DISP2: variants seen among roughly 807,000 people sequenced by gnomAD.
DISP2 encodes the protein protein dispatched homolog 2.
DISP2 carries 59 observed loss-of-function variants against 95.5 expected under a neutral mutation model. The ratio of observed to expected loss-of-function variants is 0.62; its 90% CI spans 0.50 to 0.77. The LOEUF is 0.77. Among genes scored for constraint, DISP2 ranks in the 30% least tolerant of loss-of-function variants. DISP2 has a pLI of 0.00. For missense variants in DISP2, 1,752 were observed against 1,854.6 expected (o/e 0.94, Z 1.02); for synonymous variants, 827 against 815.0 (o/e 1.01, Z -0.25).
At chr15:40,364,041 C>T (rs996577773) in intron 2 of DISP2, 87 bp downstream of exon 2, 2 of 1,487,604 alleles carry the variant, frequency 1.3e-6, no homozygotes, top group African/African-American at 1.4e-5. Context: ...GCTCTAGACT[C>T]CTTTCTTAGG....
chr15:40,370,035 G>C lies in DISP2; in HGVS notation c.3923G>C (p.Arg1308Pro), dbSNP rs143167738. 2 of 1,613,990 alleles carry C rather than the reference G, an allele frequency of 1.2e-6. No individual in the cohort carries two copies. The highest frequency in any genetic ancestry group is 2.7e-5 in the African/African-American group (2 of 74,952). Residue 1308 changes from arginine to proline, a missense_variant, in exon 8 of 8, where the codon CGT (arginine) becomes CCT (proline). Transcript: ENST00000267889. ...CTAAGCACCTCTGAGCCCAGTGCCC[G>C]TGTACCAGATTCCGTGGGTGTGTCC... ...TCLSTSEPSA[R>P]VPDSVGVSPD...
At chr15:40,364,346 C>G (rs1399116690) in intron 3 of DISP2, 75 bp from the exon 4 acceptor site, 16 of 1,613,340 alleles carry the variant, frequency 9.9e-6, no homozygotes, top group Non-Finnish European at 1.1e-5. Context: ...ATCTAGCACC[C>G]CTTCTGGGTG....
In DISP2 at chr15:40,368,389, C is replaced by A; in HGVS notation, c.2277C>A (p.Phe759Leu). Residue 759 changes from phenylalanine to leucine, a missense_variant, in exon 8 of 8, where the codon TTC becomes TTA. By Grantham distance (22) the Phe-to-Leu change is conservative. Transcript: ENST00000267889. ...CGGAGTATCGCCAGCTGTTCCTGTT[C>A]GAGCAGCTGCCGCAGGGCGAGGGCG... ...FDAEYRQLFLFEQLPQGEGGH... is the reference protein window; with the variant it reads ...FDAEYRQLFLLEQLPQGEGGH... 6.2e-7 allele frequency: 1 copy of A among 1,607,708 alleles called. No homozygotes were observed. The highest frequency in any genetic ancestry group is 8.5e-7 in the Non-Finnish European group (1 of 1,179,746).
In DISP2 at chr15:40,358,455, T is replaced by G. The variant is rs764662894; in HGVS notation, c.119+15T>G. On this transcript the variant is annotated intron_variant, in intron 1 of 7. Transcript: ENST00000267889. ...TCCCCGGACAGGTAGGGCGGACAGCTCCGCAGATCCGTATCACAGACCCTC... is the reference window on the plus strand; with the variant it reads ...TCCCCGGACAGGTAGGGCGGACAGCGCCGCAGATCCGTATCACAGACCCTC... The G allele has an allele frequency of 7.8e-7, 1 of 1,287,304 alleles. No homozygotes were observed. Among genetic ancestry groups the G allele is most frequent in the Non-Finnish European group, 9.8e-7 (1 of 1,015,596 alleles). The allele number at this position is 1,287,304 out of a possible 1,614,324, so 79.7% of individuals were successfully genotyped here.
intron 1 of DISP2, among the ~76,000 whole-genome samples, chr15:40,360,196 G>A (rs1387859176): frequency 6.6e-6 from 1 of 152,198 alleles, no homozygotes; most frequent in Non-Finnish European, 1.5e-5. Flanking sequence ...AGGCCTGCAG[G>A]CCCGGGCAGG....
chr15:40,361,270 G>A (rs1321344580), intron 1 of DISP2, among the ~76,000 whole-genome samples: 3 of 152,230 alleles, frequency 2.0e-5, no homozygotes, highest in Non-Finnish European at 4.4e-5. Flanking sequence ...AGATTCTCAA[G>A]GTGTGAGAAG....
rs1269337028 is a variant in DISP2, at chr15:40,375,775, G to C, written c.*5457G>C. On this transcript the variant is annotated 3_prime_UTR_variant, in exon 8 of 8. Transcript: ENST00000267889. ...CAAGGACATGAAGACTTTCTAGAAG[G>C]TAGGTGGACACAGATAGTTTTAAAG... The C allele has an allele frequency of 6.6e-6, 1 of 152,212 alleles. No individual in the cohort carries two copies. The highest frequency in any genetic ancestry group is 1.9e-4 in the East Asian group (1 of 5,198). The allele number at this position is 152,212 out of a possible 1,614,324, so 9.4% of individuals were successfully genotyped here.
In DISP2 at chr15:40,376,402, C is replaced by T. The variant is rs1053263843; in HGVS notation, c.*6084C>T. On this transcript the variant is annotated 3_prime_UTR_variant, in exon 8 of 8. Transcript: ENST00000267889. ...TGGGAGGCCGAGGCAGGTAGATCAT[C>T]TGAGGTCAGGAGTTCAACACCAGCC... is the stretch of plus-strand genomic sequence containing the variant. 3.3e-5 allele frequency: 5 copies of T among 152,030 alleles called. No individual in the cohort carries two copies. The highest frequency in any genetic ancestry group is 1.2e-4 in the African/African-American group (5 of 41,376). The allele number at this position is 152,030 out of a possible 1,614,324, so 9.4% of individuals were successfully genotyped here.
rs544332763 is a variant in DISP2, at chr15:40,375,385, T to C, written c.*5067T>C. On this transcript the variant is annotated 3_prime_UTR_variant, in exon 8 of 8. Coordinates refer to ENST00000267889, the MANE Select transcript of DISP2 (RefSeq NM_033510.3). ...ACACAGCTGAGCAGATTGATGTAGA[T>C]TTGAATTCATGACCACCTATCTTAA... is the stretch of plus-strand genomic sequence containing the variant. 1.4e-3 allele frequency: 219 copies of C among 152,356 alleles called. 1 individual carries two copies. The highest frequency in any genetic ancestry group is 5.1e-3 in the African/African-American group (213 of 41,578). The allele number at this position is 152,356 out of a possible 1,614,324, so 9.4% of individuals were successfully genotyped here.
rs61734053 is a variant in DISP2 at position 40,368,812 on chromosome 15, G to T, written c.2700G>T (p.Leu900=). ...LGLRFDAHGS[L]AALVLQFQTN... The stretch of plus-strand genomic sequence containing the variant: ...TCCGCTTTGATGCCCATGGCAGCCT[G>T]GCCGCCCTGGTCCTACAATTCCAGA... The change falls in exon 8 of 8, where the codon CTG becomes CTT. Residue 900 remains leucine, a synonymous_variant. Coordinates refer to ENST00000267889, the MANE Select transcript of DISP2 (RefSeq NM_033510.3). The T allele has an allele frequency of 0.046, 73,519 of 1,613,912 alleles. 1,921 individuals carry two copies. Among genetic ancestry groups the T allele is most frequent in the South Asian group, 0.062 (5,687 of 91,090 alleles).
At chr15:40,365,315 C>T (rs745676623) in intron 6 of DISP2, 41 bp downstream of exon 6, 2 of 1,604,622 alleles carry the variant, frequency 1.2e-6, no homozygotes, top group African/African-American at 2.7e-5. Flanking sequence ...TAATAGTGGT[C>T]CCCACCCCAC....
Position 40,369,874 on chromosome 15 carries a change from G to T in DISP2, c.3762G>T (p.Gly1254=). The T allele has an allele frequency of 6.4e-7, 1 of 1,566,740 alleles. No homozygotes were observed. ...PKTRARQDSQ[G]EEAEPLPASP... is the part of the protein sequence containing the mutation. ...CCCGGGCCAGGCAGGACTCCCAAGGGGAGGAGGCTGAGCCCCTGCCAGCCT... is the reference window on the plus strand; with the variant it reads ...CCCGGGCCAGGCAGGACTCCCAAGGTGAGGAGGCTGAGCCCCTGCCAGCCT... Residue 1254 remains glycine, a synonymous_variant, in exon 8 of 8, where the codon GGG becomes GGT. Transcript: ENST00000267889.
chr15:40,364,352 G>A, intron 3 of DISP2, 69 bp from the exon 4 acceptor site: 2 of 1,613,344 alleles, frequency 1.2e-6, no homozygotes, highest in East Asian at 2.2e-5. Context: ...CACCCCTTCT[G>A]GGTGGAGCCT....
At position 40,363,627 on chromosome 15, in the gene DISP2, C is replaced by A. The variant is rs1206894629; in HGVS notation, c.122C>A (p.Thr41Asn). Residue 41 changes from threonine to asparagine, a missense_variant and splice_region_variant, in exon 2 of 8, where the codon ACC becomes AAC. Coordinates refer to ENST00000267889, the MANE Select transcript of DISP2 (RefSeq NM_033510.3). ...LAPDGGSPDS[T>N]QTKAVPPEAS... ...TTCCTTGTCTCCTCTCTTCCTAGCA[C>A]CCAGACCAAGGCTGTGCCCCCTGAG... 2.6e-6 allele frequency: 4 copies of A among 1,530,638 alleles called. No individual in the cohort carries two copies. The highest frequency in any genetic ancestry group is 3.5e-6 in the Non-Finnish European group (4 of 1,138,964). The allele number at this position is 1,530,638 out of a possible 1,614,324, so 94.8% of individuals were successfully genotyped here.
intron 4 of DISP2, 37 bp downstream of exon 4, chr15:40,364,581 T>G (rs1889465762): frequency 1.2e-6 from 2 of 1,603,722 alleles, no homozygotes; most frequent in East Asian, 2.2e-5. Context: ...TCCCCAGGCC[T>G]GGCCACCTTG....
intron 1 of DISP2, among the ~76,000 whole-genome samples, chr15:40,360,613 A>G (rs1251878998): frequency 6.6e-6 from 1 of 152,158 alleles, no homozygotes; most frequent in Non-Finnish European, 1.5e-5. Flanking sequence ...CTTGAACAAG[A>G]GCCAGCTAAG....
rs771600885 is a variant in DISP2 at position 40,368,821 on chromosome 15, G to T, written c.2709G>T (p.Leu903=). 2 of 1,613,976 alleles carry T rather than the reference G, an allele frequency of 1.2e-6. No individual in the cohort carries two copies. The highest frequency in any genetic ancestry group is 1.7e-6 in the Non-Finnish European group (2 of 1,180,054). ...RFDAHGSLAA[L]VLQFQTNFRN... ...ATGCCCATGGCAGCCTGGCCGCCCTGGTCCTACAATTCCAGACCAACTTCC... is the reference window on the plus strand; with the variant it reads ...ATGCCCATGGCAGCCTGGCCGCCCTTGTCCTACAATTCCAGACCAACTTCC... Residue 903 remains leucine (L), a synonymous_variant, in exon 8 of 8, where the codon CTG becomes CTT. Transcript: ENST00000267889.
In DISP2 at chr15:40,358,416, C is replaced by T. The variant is rs1480738901; in HGVS notation, c.95C>T (p.Ala32Val). 10 of 1,333,242 alleles carry T rather than the reference C, an allele frequency of 7.5e-6. No individual in the cohort carries two copies. The highest frequency in any genetic ancestry group is 7.7e-6 in the Non-Finnish European group (8 of 1,043,134). 82.6% of individuals were successfully genotyped at this position (1,333,242 alleles called of 1,614,324 possible). A position where few individuals can be genotyped will look rare whatever the true frequency, so the allele number is the denominator to read the frequency against. ...GEQRPEGEPL[A>V]PDGGSPDSTQ... is the part of the protein sequence containing the mutation. ...CAACGGCCCGAGGGGGAGCCCTTGGCCCCAGACGGCGGCTCCCCGGACAGG... is the reference window on the plus strand; with the variant it reads ...CAACGGCCCGAGGGGGAGCCCTTGGTCCCAGACGGCGGCTCCCCGGACAGG... Residue 32 changes from alanine to valine, a missense_variant, in exon 1 of 8, where the codon GCC becomes GTC. Coordinates refer to ENST00000267889, the MANE Select transcript of DISP2 (RefSeq NM_033510.3).
At chr15:40,360,137 C>T (rs1289597143) in intron 1 of DISP2, among the ~76,000 whole-genome samples, 2 of 152,168 alleles carry the variant, frequency 1.3e-5, no homozygotes, top group African/African-American at 4.8e-5. Context: ...TAAATGAGGC[C>T]TGCATCCCCA....
Sources: allele counts gnomAD v4.1 joint callset (sites outside exome capture counted in the v4.1 genomes callset), GRCh38; gene constraint gnomAD v4.1.1; transcripts MANE v1.5; gene names NCBI Gene and HGNC (gene_info 2026-07-23, HGNC 2026-07-21).